Variants in SVOPL observed in about 807,000 individuals in gnomAD.
SVOPL encodes the protein SVOP like, also known as putative transporter SVOPL.
A neutral mutation model predicts 61.0 loss-of-function variants in SVOPL; 60 were observed. The observed-to-expected ratio is 0.98, with a 90% confidence interval of 0.80 to 1.22. SVOPL has a LOEUF of 1.22. SVOPL is among the 50% of genes most tolerant of loss of function. The pLI, the probability that SVOPL is intolerant of heterozygous loss-of-function variation, is 0.00. For missense variants in SVOPL, 662 were observed against 643.9 expected, an observed-to-expected ratio of 1.03 and a Z score of -0.30; for synonymous variants, 279 against 250.0, an observed-to-expected ratio of 1.12 and a Z score of -1.09.
intron 14 of SVOPL, 93 bp from the exon 15 acceptor site, chr7:138,596,623 T>C (rs767917932): frequency 4.1e-5 from 61 of 1,491,412 alleles, no homozygotes; most frequent in Non-Finnish European, 5.0e-5. Flanking sequence ...TTCACTTCAC[T>C]AAGATGGTCC....
chr7:138,684,371 A>AAG (rs1211406252), intron 1 of SVOPL, among the ~76,000 whole-genome samples: 1 of 151,978 alleles, frequency 6.6e-6, no homozygotes, highest in Non-Finnish European at 1.5e-5. Context: ...TCTCAAAAAA[A>AAG]AAAAAAAAGG....
chr7:138,631,916 GA>G (rs1403183245), intron 9 of SVOPL, among the ~76,000 whole-genome samples: 1 of 149,180 alleles, frequency 6.7e-6, no homozygotes, highest in African/African-American at 2.5e-5. Flanking sequence ...TTATCCCCCT[GA>G]AGTGGCTCAG....
intron 14 of SVOPL, among the ~76,000 whole-genome samples, chr7:138,599,158 C>A (rs1673212): frequency 0.62 from 61,864 of 100,400 alleles, 18,491 homozygotes; most frequent in African/African-American, 0.74. Context: ...AAAAAAAAAA[C>A]CAAAAAAAAA....
chr7:138,599,135 C>T (rs1279590426), intron 14 of SVOPL, among the ~76,000 whole-genome samples: 2 of 87,486 alleles, frequency 2.3e-5, no homozygotes, highest in African/African-American at 1.2e-4. Flanking sequence ...TAGTGAGATC[C>T]GTCTCCAAAA....
At chr7:138,648,627 G>C (rs879436286) in intron 8 of SVOPL, among the ~76,000 whole-genome samples, 4 of 151,808 alleles carry the variant, frequency 2.6e-5, no homozygotes, top group Admixed American at 1.3e-4. Context: ...AGAATGGCGT[G>C]AACCCGGGAG....
intron 1 of SVOPL, among the ~76,000 whole-genome samples, chr7:138,684,469 T>C (rs369171227): frequency 2.0e-5 from 3 of 151,536 alleles, no homozygotes; most frequent in East Asian, 1.9e-4. Context: ...AGTGAAGACA[T>C]ACAAATTGCC....
intron 7 of SVOPL, among the ~76,000 whole-genome samples, chr7:138,655,494 A>T (rs1168355085): frequency 6.6e-6 from 1 of 152,040 alleles, no homozygotes; most frequent in East Asian, 1.9e-4. Context: ...AACAAGAGCG[A>T]AACTCCATTT....
chr7:138,620,110 TTTTTTTCTG>T (rs1388678140), intron 14 of SVOPL, among the ~76,000 whole-genome samples: 504 of 142,660 alleles, frequency 3.5e-3, no homozygotes, highest in African/African-American at 0.012. Flanking sequence ...TCTTTTTTGT[TTTTTTTCTG>T]TTTTGTTTTT....
In SVOPL at chr7:138,637,460, A is replaced by C. The variant is rs1350179784; in HGVS notation, c.789+7257T>G. 5.3e-3 allele frequency among the ~76,000 whole-genome samples: 94 copies of C among 17,822 alleles called. 3 individuals carry two copies. The highest frequency in any genetic ancestry group is 0.016 in the African/African-American group (92 of 5,602). The allele number at this position is 17,822 out of a possible 152,430, so 11.7% of individuals were successfully genotyped here. A position where few individuals can be genotyped will look rare whatever the true frequency, so the allele number is the denominator to read the frequency against. ...TATATATAGATAGATAGATAGATAT[A>C]TATATATAGATATAGATATAGATAT... On this transcript the variant is annotated intron_variant, in intron 9 of 15. Coordinates refer to ENST00000674285, the MANE Select transcript of SVOPL (RefSeq NM_001139456.2).
At chr7:138,686,566 T>G (rs1431002801) in intron 1 of SVOPL, among the ~76,000 whole-genome samples, 2 of 95,820 alleles carry the variant, frequency 2.1e-5, no homozygotes, top group East Asian at 6.0e-4. Context: ...TTTTGGGTTT[T>G]TTTTTTTTTT....
Position 138,596,431 on chromosome 7 carries a change from C to A in SVOPL, c.1453G>T (p.Gly485Ter). 6.2e-7 allele frequency: 1 copy of A among 1,613,764 alleles called. No individual in the cohort carries two copies. Among genetic ancestry groups the A allele is most frequent in the Non-Finnish European group, 8.5e-7 (1 of 1,179,838 alleles). ...GCATCACTCACCTGGAGGGCCCGTC[C>A]TTTGGTTTCGATGGGGAGAGTGAAT... ...SAFTLPIETK[G>*]RALQQIK is the part of the protein sequence containing the mutation. Residue 485 changes from glycine (G) to a stop codon, truncating the protein, a stop_gained, in exon 15 of 16, where the codon GGA becomes TGA. Coordinates refer to ENST00000674285, the MANE Select transcript of SVOPL (RefSeq NM_001139456.2). LOFTEE classifies it high-confidence loss of function.
intron 1 of SVOPL, among the ~76,000 whole-genome samples, chr7:138,680,846 T>A (rs1433808854): frequency 6.6e-6 from 1 of 152,176 alleles, no homozygotes; most frequent in Admixed American, 6.6e-5. Flanking sequence ...CCCAAAGTAC[T>A]GGGATTACAG....
intron 14 of SVOPL, among the ~76,000 whole-genome samples, chr7:138,606,669 ACAGGCCAGGCACAGTGGCTGT>A (rs1798771564): frequency 6.6e-6 from 1 of 152,154 alleles, no homozygotes; most frequent in African/African-American, 2.4e-5. Context: ...AAAGAATTCT[ACAGGCCAGGCACAGTGGCTGT>A]CACCTGTAAT....
intron 14 of SVOPL, among the ~76,000 whole-genome samples, chr7:138,606,114 T>G (rs1673217): frequency 1.3e-5 from 2 of 152,018 alleles, no homozygotes; most frequent in African/African-American, 4.8e-5. Context: ...AAATTAGCCA[T>G]CTATGCACAC....
At chr7:138,636,141 G>T (rs780476434) in intron 9 of SVOPL, among the ~76,000 whole-genome samples, 6 of 151,932 alleles carry the variant, frequency 3.9e-5, no homozygotes, top group Non-Finnish European at 7.4e-5. Flanking sequence ...TGTTGGTCAG[G>T]CTGGTCTTGA....
At chr7:138,681,199 C>T (rs1404257955) in intron 1 of SVOPL, among the ~76,000 whole-genome samples, 3 of 146,904 alleles carry the variant, frequency 2.0e-5, no homozygotes, top group Non-Finnish European at 4.5e-5. Context: ...ATGTTATTAA[C>T]AAATATAATA....
In SVOPL at chr7:138,659,962, T is replaced by TCC; in HGVS notation, c.370_371dup (p.Ala125GlufsTer7). On this transcript the variant is annotated frameshift_variant, in exon 6 of 16. Transcript: ENST00000674285. LOFTEE classifies it high-confidence loss of function. ...ACGAGGTCAGCAAGGAGAAATAGGC[T>TCC]CCCCACAGGAACGAGATGAGCAGAA... is the stretch of plus-strand genomic sequence containing the variant. The TCC allele has an allele frequency of 6.4e-7, 1 of 1,551,198 alleles. No homozygotes were observed. The highest frequency in any genetic ancestry group is 8.7e-7 in the Non-Finnish European group (1 of 1,146,908).
chr7:138,694,674 C>T (rs2117146694), intron 1 of SVOPL, among the ~76,000 whole-genome samples: 1 of 152,282 alleles, frequency 6.6e-6, no homozygotes, highest in African/African-American at 2.4e-5. Flanking sequence ...TTAAGTAAGG[C>T]TATTGATTGT....
chr7:138,643,045 C>G (rs1317875639), intron 9 of SVOPL, among the ~76,000 whole-genome samples: 1 of 151,996 alleles, frequency 6.6e-6, no homozygotes, highest in African/African-American at 2.4e-5. Flanking sequence ...CTGTAGAACA[C>G]AGTATGGTGA....
Sources: allele counts gnomAD v4.1 joint callset (sites outside exome capture counted in the v4.1 genomes callset), GRCh38; gene constraint gnomAD v4.1.1; transcripts MANE v1.5; gene names NCBI Gene and HGNC (gene_info 2026-07-23, HGNC 2026-07-21).